KSR1: variants seen among roughly 807,000 people sequenced by gnomAD.
KSR1 encodes the protein kinase suppressor of ras.
Under a neutral mutation model 92.9 loss-of-function variants are expected in KSR1, and 35 were observed. The observed-to-expected ratio is 0.38, with a 90% CI of 0.29 to 0.50. The LOEUF is 0.50. Ranked by LOEUF, KSR1 falls within the 20% of genes least tolerant of loss-of-function variation. The probability of loss-of-function intolerance (pLI) is 0.94; values close to 1 mark genes in which losing one functional copy is unlikely to be tolerated. For synonymous variants in KSR1, 467 were observed against 472.6 expected (o/e 0.99, Z 0.15); for missense variants, 972 against 1,158.5 (o/e 0.84, Z 2.34).
intron 1 of KSR1, among the ~76,000 whole-genome samples, chr17:27,482,791 G>T (rs190496346): frequency 6.6e-6 from 1 of 152,312 alleles, no homozygotes; most frequent in East Asian, 1.9e-4. Flanking sequence ...GAAATAAGTG[G>T]AGGGAAAGTG....
chr17:27,577,357 G>A lies in KSR1; in HGVS notation c.373-135G>A, dbSNP rs769521590. 16 of 600,656 alleles carry A rather than the reference G, an allele frequency of 2.7e-5. No homozygotes were observed. The highest frequency in any genetic ancestry group is 4.4e-4 in the Middle Eastern group (1 of 2,268). The allele number at this position is 600,656 out of a possible 1,614,324, so 37.2% of individuals were successfully genotyped here. On this transcript the variant is annotated intron_variant, in intron 2 of 20. Coordinates refer to ENST00000644974, the MANE Select transcript of KSR1 (RefSeq NM_001394583.1). The surrounding 1 kb of genome is among the most constrained non-coding windows in gnomAD (Gnocchi z 4.5). ...GAGCTCTGCTTGTGTCCCCAAGCACGTGGTGGCTCTGGTCAGAGGCCGGCC... is the reference window on the plus strand; with the variant it reads ...GAGCTCTGCTTGTGTCCCCAAGCACATGGTGGCTCTGGTCAGAGGCCGGCC...
intron 3 of KSR1, chr17:27,579,505 A>G (rs1349992819): frequency 2.0e-5 from 3 of 152,188 alleles, no homozygotes; most frequent in African/African-American, 4.8e-5. Flanking sequence ...CATGTATTAG[A>G]TGTTCTTTTC....
At chr17:27,587,255 A>G (rs1598090134) in intron 5 of KSR1, 1 of 152,312 alleles carries the variant, frequency 6.6e-6, no homozygotes, top group African/African-American at 2.4e-5. Flanking sequence ...ACCTCATGGC[A>G]GATGTGCCAG....
chr17:27,556,207 C>T (rs887185664), intron 2 of KSR1, among the ~76,000 whole-genome samples: 38 of 152,224 alleles, frequency 2.5e-4, no homozygotes, highest in African/African-American at 8.9e-4. Context: ...TTTTCTTCAA[C>T]GGTTATTTAT....
Position 27,626,265 on chromosome 17 carries a change from A to G in KSR1, c.*2873A>G, listed in dbSNP as rs1044875405. 1 of 152,258 alleles carries G rather than the reference A, an allele frequency of 6.6e-6. No homozygotes were observed. Among genetic ancestry groups the G allele is most frequent in the African/African-American group, 2.4e-5 (1 of 41,468 alleles). The allele number at this position is 152,258 out of a possible 1,614,324, so 9.4% of individuals were successfully genotyped here. On this transcript the variant is annotated 3_prime_UTR_variant, in exon 21 of 21. Transcript: ENST00000644974. ...GTAAAATTTGTACAGTAAAGTTTTTATATTTTCTATCAACTACATTTGTCT... is the reference window on the plus strand; with the variant it reads ...GTAAAATTTGTACAGTAAAGTTTTTGTATTTTCTATCAACTACATTTGTCT...
chr17:27,617,604 T>C, intron 19 of KSR1, 176 bp downstream of exon 19: 2 of 688,058 alleles, frequency 2.9e-6, no homozygotes, highest in African/African-American at 1.8e-5. Context: ...CTCAGCTCAC[T>C]GCAGCCTCCG....
chr17:27,568,912 G>T (rs1261782263), intron 2 of KSR1, among the ~76,000 whole-genome samples: 4 of 152,146 alleles, frequency 2.6e-5, no homozygotes, highest in African/African-American at 9.7e-5. Flanking sequence ...CCTGCACATA[G>T]CCCTATTTTG....
chr17:27,461,552 C>T (rs757389721), intron 1 of KSR1, among the ~76,000 whole-genome samples: 1 of 152,242 alleles, frequency 6.6e-6, no homozygotes, highest in African/African-American at 2.4e-5. Context: ...TGGCTCCAGC[C>T]GTCTCTGAAG....
At chr17:27,561,606 C>T (rs1362910574) in intron 2 of KSR1, among the ~76,000 whole-genome samples, 1 of 152,220 alleles carries the variant, frequency 6.6e-6, no homozygotes, top group Non-Finnish European at 1.5e-5. Flanking sequence ...TTTATTCACT[C>T]ACTCAGTGTG....
intron 1 of KSR1, among the ~76,000 whole-genome samples, chr17:27,518,916 GTGTGCATCATTAGCCC>G (rs1484822963): frequency 2.6e-5 from 4 of 152,218 alleles, no homozygotes; most frequent in African/African-American, 4.8e-5. Context: ...GGAGTAGGAT[GTGTGCATCATTAGCCC>G]TGCATAGCAC....
At chr17:27,494,587 T>C (rs574051657) in intron 1 of KSR1, among the ~76,000 whole-genome samples, 16 of 152,290 alleles carry the variant, frequency 1.1e-4, no homozygotes, top group African/African-American at 3.4e-4. Context: ...CAGAGACTAA[T>C]AGAGGGACCG....
chr17:27,607,111 C>T (rs971536931), intron 14 of KSR1, among the ~76,000 whole-genome samples: 12 of 152,128 alleles, frequency 7.9e-5, no homozygotes, highest in African/African-American at 1.7e-4. Context: ...AGATTACAGG[C>T]GTGAGCCACT....
chr17:27,619,395 C>CTT (rs147046166), intron 19 of KSR1, among the ~76,000 whole-genome samples: 28 of 131,876 alleles, frequency 2.1e-4, no homozygotes, highest in African/African-American at 6.9e-4. Context: ...TGGGCTGTAT[C>CTT]TTTTTTTTTT....
intron 2 of KSR1, among the ~76,000 whole-genome samples, chr17:27,561,538 C>T (rs900178629): frequency 4.6e-5 from 7 of 152,062 alleles, no homozygotes; most frequent in Admixed American, 3.9e-4. Context: ...CCCCAAGGAG[C>T]GGGGAAGGGA....
intron 12 of KSR1, 55 bp downstream of exon 12, chr17:27,603,943 G>C (rs1332428544): frequency 9.6e-6 from 15 of 1,566,398 alleles, no homozygotes; most frequent in Non-Finnish European, 1.3e-5. Flanking sequence ...ATTAAGGCTG[G>C]ATCCATATCC....
At chr17:27,551,427 T>C (rs905829083) in intron 2 of KSR1, among the ~76,000 whole-genome samples, 4 of 151,986 alleles carry the variant, frequency 2.6e-5, no homozygotes, top group Non-Finnish European at 5.9e-5. Context: ...TATCCTAAAA[T>C]TGAAAATATT....
At chr17:27,484,263 G>A (rs1366353022) in intron 1 of KSR1, among the ~76,000 whole-genome samples, 26 of 152,166 alleles carry the variant, frequency 1.7e-4, no homozygotes, top group Non-Finnish European at 1.0e-4. Context: ...ACAGGTTCTC[G>A]CTCTGTCGCC....
chr17:27,456,780 A>C lies in KSR1; in HGVS notation c.137A>C (p.Lys46Thr), dbSNP rs1442574369. ...RALQQCGQLQ[K>T]LIDISIGSLR... ...CTGCAGCAGTGCGGGCAGCTCCAGAAGCTCATCGACATCTCCATCGGCAGC... is the reference window on the plus strand; with the variant it reads ...CTGCAGCAGTGCGGGCAGCTCCAGACGCTCATCGACATCTCCATCGGCAGC... The change falls in exon 1 of 21, where the codon AAG becomes ACG. Residue 46 changes from lysine (K) to threonine (T), a missense_variant. Coordinates refer to ENST00000644974, the MANE Select transcript of KSR1 (RefSeq NM_001394583.1). 12 of 1,571,518 alleles carry C rather than the reference A, an allele frequency of 7.6e-6. No homozygotes were observed. Among genetic ancestry groups the C allele is most frequent in the Admixed American group, 3.3e-5 (2 of 59,950 alleles).
intron 2 of KSR1, among the ~76,000 whole-genome samples, chr17:27,569,491 G>A (rs1002487065): frequency 2.2e-4 from 34 of 152,242 alleles, no homozygotes; most frequent in Admixed American, 1.2e-3. Context: ...GAGCCCAACA[G>A]CATTGCTATG....
Sources: allele counts gnomAD v4.1 joint callset (sites outside exome capture counted in the v4.1 genomes callset), GRCh38; gene constraint gnomAD v4.1.1; non-coding constraint Gnocchi (gnomAD v3.1); transcripts MANE v1.5; gene names NCBI Gene and HGNC (gene_info 2026-07-23, HGNC 2026-07-21).